Variants in LRRC15 observed in about 807,000 individuals in gnomAD.
LRRC15 encodes the protein leucine rich repeat containing 15.
In LRRC15, 5 loss-of-function variants were observed where a neutral mutation model predicts 4.3. The observed-to-expected ratio is 1.16, with a 90% confidence interval of 0.61 to 2.44. The LOEUF (loss-of-function observed/expected upper bound fraction) is 2.44. LRRC15 is among the 30% of genes most tolerant of loss of function. The pLI is 0.01. For missense variants in LRRC15, 769 were observed against 747.0 expected (o/e 1.03, Z -0.34); for synonymous variants, 337 against 323.2 (o/e 1.04, Z -0.46).
Position 194,359,855 on chromosome 3 carries a change from G to C in LRRC15, c.1189C>G (p.Gln397Glu). The C allele has an allele frequency of 6.2e-7, 1 of 1,614,100 alleles. No individual in the cohort carries two copies. The highest frequency in any genetic ancestry group is 8.5e-7 in the Non-Finnish European group (1 of 1,180,018). ...GGCAAGTTCTCCAGCTGGTTGTTCTGCAGCTGGATGGCCATGAGGCCATTG... is the reference window on the plus strand; with the variant it reads ...GGCAAGTTCTCCAGCTGGTTGTTCTCCAGCTGGATGGCCATGAGGCCATTG... ...NVNGLMAIQL[Q>E]NNQLENLPLG... is the part of the protein sequence containing the mutation. The change falls in exon 2 of 2, where the codon CAG becomes GAG. Residue 397 changes from glutamine to glutamate, a missense_variant. Transcript: ENST00000347624.
Position 194,359,340 on chromosome 3 carries a change from G to T in LRRC15, c.1704C>A (p.Ser568Arg). Residue 568 changes from serine (S) to arginine (R), a missense_variant, in exon 2 of 2, where the codon AGC becomes AGA. Ser to Arg is a moderately radical substitution (Grantham distance 110). Transcript: ENST00000347624. ...CVGCCCCKKR[S>R]QAVLMQMKAP... ...CCTTCATCTGCATCAGGACAGCTTG[G>T]CTCCTCTTCTTGCAGCAGCAACAGC... 2.5e-6 allele frequency: 4 copies of T among 1,612,936 alleles called. No homozygotes were observed. Among genetic ancestry groups the T allele is most frequent in the Non-Finnish European group, 3.4e-6 (4 of 1,179,410 alleles).
chr3:194,360,890 G>A lies in LRRC15; in HGVS notation c.154C>T (p.Pro52Ser). The A allele has an allele frequency of 1.9e-6, 3 of 1,607,056 alleles. No individual in the cohort carries two copies. The highest frequency in any genetic ancestry group is 2.6e-6 in the Non-Finnish European group (3 of 1,176,316). The change falls in exon 2 of 2, where the codon CCC (proline) becomes TCC (serine). Residue 52 changes from proline (P) to serine (S), a missense_variant. Transcript: ENST00000347624. ...ARIVAVPTPL[P>S]WNAMSLQILN... Reference sequence around the variant, plus strand: ...ATCTGCAGGCTCATGGCGTTCCAGGGCAGAGGGGTGGGCACTGCCACAATG... The same window carrying A: ...ATCTGCAGGCTCATGGCGTTCCAGGACAGAGGGGTGGGCACTGCCACAATG...
At chr3:194,363,464 A>T in intron 1 of LRRC15, 1 of 625,430 alleles carries the variant, frequency 1.6e-6, no homozygotes, top group Non-Finnish European at 2.9e-6. Context: ...AGAACCCAGC[A>T]ACAGAAAACA....
chr3:194,360,839 T>C lies in LRRC15; in HGVS notation c.205A>G (p.Asn69Asp). ...QILNTHITEL[N>D]ESPFLNISAL... ...GAGATATTGAGGAACGGGGACTCAT[T>C]GAGTTCAGTGATGTGCGTGTTGAGG... Residue 69 changes from asparagine (N) to aspartate (D), a missense_variant, in exon 2 of 2, where the codon AAT becomes GAT. Coordinates refer to ENST00000347624, the MANE Select transcript of LRRC15 (RefSeq NM_130830.5). The C allele has an allele frequency of 6.2e-7, 1 of 1,613,310 alleles. No homozygotes were observed. The highest frequency in any genetic ancestry group is 8.5e-7 in the Non-Finnish European group (1 of 1,179,430).
At position 194,360,197 on chromosome 3, in the gene LRRC15, C is replaced by G. The variant is rs747465578; in HGVS notation, c.847G>C (p.Glu283Gln). 3 of 1,613,710 alleles carry G rather than the reference C, an allele frequency of 1.9e-6. No individual in the cohort carries two copies. The highest frequency in any genetic ancestry group is 3.3e-5 in the Admixed American group (2 of 59,988). The change falls in exon 2 of 2, where the codon GAG becomes CAG. Residue 283 changes from glutamate (E) to glutamine (Q), a missense_variant. By Grantham distance (29) the Glu-to-Gln change is conservative. Coordinates refer to ENST00000347624, the MANE Select transcript of LRRC15 (RefSeq NM_130830.5). ...GGCCCGAAGATCCCCGGAGAGAGCT[C>G]CTTCAGGGAATTCCCAAAGAGAGTA... ...RLTLFGNSLK[E>Q]LSPGIFGPMP...
Position 194,360,715 on chromosome 3 carries a change from T to C in LRRC15, c.329A>G (p.Asn110Ser), listed in dbSNP as rs1200088588. The change falls in exon 2 of 2, where the codon AAC becomes AGC. Residue 110 changes from asparagine to serine, a missense_variant. Transcript: ENST00000347624. The part of the protein sequence containing the change: ...LGSLRYLSLA[N>S]NKLQVLPIGL... ...GATGGGCAGAACCTGCAGCTTGTTG[T>C]TGGCGAGGCTGAGATAGCGCAGCGA... The C allele has an allele frequency of 1.2e-6, 2 of 1,614,184 alleles. No homozygotes were observed. The highest frequency in any genetic ancestry group is 1.3e-5 in the African/African-American group (1 of 75,042).
Position 194,365,012 on chromosome 3 carries a change from G to A in LRRC15, c.-3-3966C>T, listed in dbSNP as rs572720302. On this transcript the variant is annotated intron_variant, in intron 1 of 1. Transcript: ENST00000347624. The stretch of plus-strand genomic sequence containing the variant: ...AGCCTCTAGGAGCCCAGCACCTGGA[G>A]GCCTAATAGCCCACGCTGCCTGGTG... Among the ~76,000 whole-genome samples, 3 of 152,346 alleles carry A rather than the reference G, an allele frequency of 2.0e-5. No homozygotes were observed. The South Asian group carries it at 6.2e-4, about 32-fold the overall frequency.
chr3:194,355,592 C>T lies in LRRC15; in HGVS notation c.*3706G>A, dbSNP rs548374122. The T allele has an allele frequency of 5.3e-5, 8 of 152,378 alleles. No homozygotes were observed. The highest frequency in any genetic ancestry group is 2.6e-4 in the Admixed American group (4 of 15,306). The allele number at this position is 152,378 out of a possible 1,614,324, so 9.4% of individuals were successfully genotyped here. A position where few individuals can be genotyped will look rare whatever the true frequency, so the allele number is the denominator to read the frequency against. On this transcript the variant is annotated 3_prime_UTR_variant, in exon 2 of 2. Transcript: ENST00000347624. ...AGCCATGGCTTCCTTCCCAAGGCCA[C>T]TGCTGGCTTCCCAACAACGCAGATT... is the stretch of plus-strand genomic sequence containing the variant.
Position 194,360,532 on chromosome 3 carries a change from T to G in LRRC15, c.512A>C (p.His171Pro), listed in dbSNP as rs1713589014. Residue 171 changes from histidine (H) to proline (P), a missense_variant, in exon 2 of 2, where the codon CAC becomes CCC. Physicochemically the swap from His to Pro is moderately conservative, Grantham distance 77. Coordinates refer to ENST00000347624, the MANE Select transcript of LRRC15 (RefSeq NM_130830.5). ...LEYIPDGAFD[H>P]LVGLTKLNLG... Reference sequence around the variant, plus strand: ...ATTGAGCTTCGTGAGTCCTACCAGGTGGTCGAAGGCTCCGTCAGGGATGTA... The same window carrying G: ...ATTGAGCTTCGTGAGTCCTACCAGGGGGTCGAAGGCTCCGTCAGGGATGTA... 1.2e-6 allele frequency: 2 copies of G among 1,613,976 alleles called. No individual in the cohort carries two copies. Among genetic ancestry groups the G allele is most frequent in the East Asian group, 4.5e-5 (2 of 44,876 alleles).
intron 1 of LRRC15, among the ~76,000 whole-genome samples, chr3:194,368,087 A>G (rs1329234248): frequency 1.3e-5 from 2 of 152,218 alleles, no homozygotes; most frequent in African/African-American, 4.8e-5. Flanking sequence ...CAAAGTAGAG[A>G]GAAATGGATC....
At chr3:194,362,266 G>A (rs187119552) in intron 1 of LRRC15, among the ~76,000 whole-genome samples, 7 of 152,240 alleles carry the variant, frequency 4.6e-5, no homozygotes, top group African/African-American at 1.2e-4. Context: ...CAGCTCCCTC[G>A]TGTGTGAAGA....
Position 194,359,666 on chromosome 3 carries a change from G to T in LRRC15, c.1378C>A (p.Arg460=). 1 of 1,614,136 alleles carries T rather than the reference G, an allele frequency of 6.2e-7. No homozygotes were observed. The highest frequency in any genetic ancestry group is 1.1e-5 in the South Asian group (1 of 91,048). Residue 460 remains arginine, a synonymous_variant, in exon 2 of 2, where the codon CGA becomes AGA. Transcript: ENST00000347624. ...VPVCFSPANV[R]GQSLIIINVN... ...TTGATGATAATGAGGGACTGGCCTC[G>T]GACATTGGCTGGGCTGAAACACACA...
chr3:194,369,630 G>C (rs1483210348), intron 1 of LRRC15, 31 bp downstream of exon 1: 1 of 152,462 alleles, frequency 6.6e-6, no homozygotes, highest in African/African-American at 2.4e-5. Context: ...TCTAAGCAGA[G>C]AGGAGGGATG....
rs923935 is a variant in LRRC15 at position 194,360,906 on chromosome 3, T to C, written c.138A>G (p.Ala46=). ...CGTTCCAGGGCAGAGGGGTGGGCAC[T>C]GCCACAATGCGTGCCCCGGTGCACT... ...QVECTGARIV[A]VPTPLPWNAM... The change falls in exon 2 of 2, where the codon GCA becomes GCG. Residue 46 remains alanine, a synonymous_variant. Coordinates refer to ENST00000347624, the MANE Select transcript of LRRC15 (RefSeq NM_130830.5). 383,141 of 1,602,500 alleles carry C rather than the reference T, an allele frequency of 0.24. 48,409 individuals are homozygous for C. The highest frequency in any genetic ancestry group is 0.26 in the Non-Finnish European group (309,833 of 1,174,300).
At chr3:194,366,486 T>C (rs1421818939) in intron 1 of LRRC15, among the ~76,000 whole-genome samples, 1 of 152,140 alleles carries the variant, frequency 6.6e-6, no homozygotes, top group Non-Finnish European at 1.5e-5. Context: ...GTGACTCCAA[T>C]GCAGGAGTCC....
chr3:194,361,125 G>A, intron 1 of LRRC15, 79 bp from the exon 2 acceptor site: 1 of 1,259,302 alleles, frequency 7.9e-7, no homozygotes, highest in Non-Finnish European at 1.1e-6. Flanking sequence ...ATCAACTCCA[G>A]TGCCAATGCT....
chr3:194,360,475 G>A lies in LRRC15; in HGVS notation c.569C>T (p.Pro190Leu), dbSNP rs374756991. 177 of 1,614,044 alleles carry A rather than the reference G, an allele frequency of 1.1e-4. No homozygotes were observed. Among genetic ancestry groups the A allele is most frequent in the Non-Finnish European group, 1.4e-4 (171 of 1,180,022 alleles). Reference protein sequence around the residue: ...LGKNSLTHISPRVFQHLGNLQ... With the variant: ...LGKNSLTHISLRVFQHLGNLQ... Reference sequence around the variant, plus strand: ...GTTGCCCAGGTGCTGGAAGACCCTGGGTGAGATGTGGGTGAGGCTATTCTT... The same window carrying A: ...GTTGCCCAGGTGCTGGAAGACCCTGAGTGAGATGTGGGTGAGGCTATTCTT... The change falls in exon 2 of 2, where the codon CCC becomes CTC. Residue 190 changes from proline to leucine, a missense_variant. By Grantham distance (98) the Pro-to-Leu change is moderately conservative. Transcript: ENST00000347624.
intron 1 of LRRC15, among the ~76,000 whole-genome samples, chr3:194,361,840 G>A (rs561730108): frequency 1.1e-4 from 16 of 152,208 alleles, no homozygotes; most frequent in South Asian, 4.2e-4. Context: ...CATCTAGCTC[G>A]AATTCAAACC....
At position 194,359,465 on chromosome 3, in the gene LRRC15, G is replaced by A. The variant is rs771352074; in HGVS notation, c.1579C>T (p.Arg527Cys). Residue 527 changes from arginine (R) to cysteine (C), a missense_variant, in exon 2 of 2, where the codon CGC becomes TGC. Arg to Cys is a radical substitution (Grantham distance 180). Transcript: ENST00000347624. Reference protein sequence around the residue: ...DLTTIQVTDDRSVWGMTQAQS... With the variant: ...DLTTIQVTDDCSVWGMTQAQS... ...GCCTGGGTCATGCCCCAAACGCTGC[G>A]GTCATCAGTGACCTGAATGGTAGTC... 1.5e-5 allele frequency: 25 copies of A among 1,614,090 alleles called. No homozygotes were observed. In the East Asian group the frequency reaches 1.8e-4, roughly 12 times the overall value.
Sources: allele counts gnomAD v4.1 joint callset (sites outside exome capture counted in the v4.1 genomes callset), GRCh38; gene constraint gnomAD v4.1.1; transcripts MANE v1.5; gene names NCBI Gene and HGNC (gene_info 2026-07-23, HGNC 2026-07-21).